The following USP49 variants were observed in gnomAD, a reference collection of about 807,000 sequenced individuals.
The protein encoded by USP49 is ubiquitin carboxyl-terminal hydrolase 49.
In USP49, 24 loss-of-function variants were observed where a neutral mutation model predicts 58.6. The ratio of observed to expected loss-of-function variants is 0.41; its 90% CI spans 0.30 to 0.58. USP49 has a LOEUF of 0.58. Ranked by LOEUF, USP49 falls within the 20% of genes least tolerant of loss-of-function variation. The pLI, the probability that USP49 is intolerant of heterozygous loss-of-function variation, is 0.30. For synonymous variants in USP49, 408 were observed against 365.1 expected, an observed-to-expected ratio of 1.12 and a Z score of -1.34; for missense variants, 703 against 866.1, an observed-to-expected ratio of 0.81 and a Z score of 2.36.
chr6:41,835,952 C>T (rs1773718975), intron 3 of USP49, among the ~76,000 whole-genome samples: 1 of 151,952 alleles, frequency 6.6e-6, no homozygotes, highest in Non-Finnish European at 1.5e-5. Context: ...GTAATGTGTG[C>T]CTGTAGTCCT....
chr6:41,823,568 A>G (rs1365782100), intron 3 of USP49, among the ~76,000 whole-genome samples: 1 of 152,172 alleles, frequency 6.6e-6, no homozygotes, highest in Non-Finnish European at 1.5e-5. Flanking sequence ...GCAGAGTGGC[A>G]ATACAGCAGA....
intron 3 of USP49, among the ~76,000 whole-genome samples, chr6:41,870,878 C>T (rs920650571): frequency 6.6e-6 from 1 of 151,734 alleles, no homozygotes; most frequent in African/African-American, 2.4e-5. Context: ...ATAATGAAAC[C>T]CCGTTTCTAC....
chr6:41,805,716 C>T lies in USP49; in HGVS notation c.1268G>A (p.Arg423Gln). ...CCTCTGGGAGAAGGGGATGAGGATCCGGCGTGTGGTGCCCTCAGACTCGAG... is the reference window on the plus strand; with the variant it reads ...CCTCTGGGAGAAGGGGATGAGGATCTGGCGTGTGGTGCCCTCAGACTCGAG... ...QELESEGTTRRILIPFSQRKL... is the reference protein window; with the variant it reads ...QELESEGTTRQILIPFSQRKL... Residue 423 changes from arginine (R) to glutamine (Q), a missense_variant, in exon 4 of 8, where the codon CGG (arginine) becomes CAG (glutamine). Transcript: ENST00000682992. The T allele has an allele frequency of 1.2e-6, 2 of 1,614,108 alleles. No individual in the cohort carries two copies. The highest frequency in any genetic ancestry group is 2.2e-5 in the East Asian group (1 of 44,862).
At chr6:41,825,373 G>C (rs1773519598) in intron 3 of USP49, among the ~76,000 whole-genome samples, 1 of 151,524 alleles carries the variant, frequency 6.6e-6, no homozygotes, top group African/African-American at 2.4e-5. Flanking sequence ...CATTGCCTGA[G>C]ATCCCACAGA....
In USP49 at chr6:41,807,031, A is replaced by AAAAAAG. The variant is rs542472972; in HGVS notation, c.-28-26_-28-21dup. 1.7e-4 allele frequency: 231 copies of AAAAAAG among 1,345,266 alleles called. 1 individual carries two copies. The South Asian group carries it at 5.1e-3, about 30-fold the overall frequency. 83.3% of individuals were successfully genotyped at this position (1,345,266 alleles called of 1,614,324 possible). A position where few individuals can be genotyped will look rare whatever the true frequency, so the allele number is the denominator to read the frequency against. ...CTCAACCTGGCACGACAGAGTCCCC[A>AAAAAAG]AAAAAGAAAAAGAAAAAGAAAACAC... On this transcript the variant is annotated intron_variant, in intron 3 of 7. Coordinates refer to ENST00000682992, the MANE Select transcript of USP49 (RefSeq NM_001286554.2).
rs1231275241 is a variant in USP49, at chr6:41,803,162, C to T, written c.1561+644G>A. On this transcript the variant is annotated intron_variant, in intron 5 of 7. Transcript: ENST00000682992. This position sits in a 1 kb window ranked among gnomAD's most constrained non-coding sequence, Gnocchi z 4.1. ...ACTCTACATTCATGAATTTAAGCAG[C>T]AGCCCCACAGCACTAAGAAGCTAAG... Among the ~76,000 whole-genome samples the T allele has an allele frequency of 6.6e-6, 1 of 152,218 alleles. No individual in the cohort carries two copies. Among genetic ancestry groups the T allele is most frequent in the Admixed American group, 6.5e-5 (1 of 15,284 alleles).
At chr6:41,824,427 A>G (rs537489699) in intron 3 of USP49, among the ~76,000 whole-genome samples, 2 of 152,118 alleles carry the variant, frequency 1.3e-5, no homozygotes, top group South Asian at 4.1e-4. Flanking sequence ...AAAACATAGC[A>G]TCGCCGGGCA....
At chr6:41,814,411 A>G (rs1055125210) in intron 3 of USP49, among the ~76,000 whole-genome samples, 4 of 152,124 alleles carry the variant, frequency 2.6e-5, no homozygotes, top group African/African-American at 9.7e-5. Flanking sequence ...CTGATGAAAA[A>G]CTTCTAGATT....
chr6:41,801,914 T>C (rs1773003493), intron 5 of USP49, among the ~76,000 whole-genome samples: 1 of 152,224 alleles, frequency 6.6e-6, no homozygotes, highest in African/African-American at 2.4e-5. Context: ...TCCTTTCTTG[T>C]AAAGATAAAC....
In USP49 at chr6:41,806,479, G is replaced by A; in HGVS notation, c.505C>T (p.Leu169=). 1 of 1,597,406 alleles carries A rather than the reference G, an allele frequency of 6.3e-7. No individual in the cohort carries two copies. The change falls in exon 4 of 8, where the codon CTG becomes TTG. Residue 169 remains leucine (L), a synonymous_variant. Coordinates refer to ENST00000682992, the MANE Select transcript of USP49 (RefSeq NM_001286554.2). This position sits in a 1 kb window ranked among gnomAD's most constrained non-coding sequence, Gnocchi z 5.9. The part of the protein sequence containing the change: ...FEKSSRGQAK[L]EQRRQEEALE... ...GCCTCCTCCTGCCGCCGCTGCTCCA[G>A]CTTCGCCTGGCCCCGGGAGCTCTTC...
chr6:41,808,316 G>GC (rs890821031), intron 3 of USP49, among the ~76,000 whole-genome samples: 1 of 149,278 alleles, frequency 6.7e-6, no homozygotes, highest in Non-Finnish European at 1.5e-5. Context: ...TCCTAAGCAT[G>GC]TTTTTTTTTC....
chr6:41,881,961 CAATCTT>C (rs1383260189), intron 2 of USP49, among the ~76,000 whole-genome samples: 1 of 151,474 alleles, frequency 6.6e-6, no homozygotes, highest in Non-Finnish European at 1.5e-5. Flanking sequence ...ATTATAATCT[CAATCTT>C]AATCAAAATT....
chr6:41,832,643 G>A (rs140506473), intron 3 of USP49, among the ~76,000 whole-genome samples: 80 of 152,152 alleles, frequency 5.3e-4, no homozygotes, highest in Middle Eastern at 6.8e-3. Context: ...GGATACCAGC[G>A]TCCATGAAAG....
In USP49 at chr6:41,814,311, A is replaced by G. The variant is rs573781821; in HGVS notation, c.-28-7300T>C. 8.5e-5 allele frequency among the ~76,000 whole-genome samples: 13 copies of G among 152,352 alleles called. No individual in the cohort carries two copies. The East Asian group carries it at 1.7e-3, about 20-fold the overall frequency. Reference sequence around the variant, plus strand: ...AAAATCTGAATCAACTGGAGCTAAGAACCATAATCAATATTTAAAAGCATT... The same window carrying G: ...AAAATCTGAATCAACTGGAGCTAAGGACCATAATCAATATTTAAAAGCATT... On this transcript the variant is annotated intron_variant, in intron 3 of 7. Coordinates refer to ENST00000682992, the MANE Select transcript of USP49 (RefSeq NM_001286554.2).
At chr6:41,807,423 G>C (rs975221956) in intron 3 of USP49, among the ~76,000 whole-genome samples, 5 of 152,140 alleles carry the variant, frequency 3.3e-5, no homozygotes, top group African/African-American at 1.2e-4. Context: ...ATTTTTATGA[G>C]ACGTGACTAA....
At chr6:41,873,408 A>G (rs1774449913) in intron 2 of USP49, among the ~76,000 whole-genome samples, 1 of 152,212 alleles carries the variant, frequency 6.6e-6, no homozygotes, top group Non-Finnish European at 1.5e-5. Context: ...GCCAGAAAGT[A>G]GGTCCCAGGA....
intron 3 of USP49, among the ~76,000 whole-genome samples, chr6:41,840,065 T>C (rs372770121): frequency 1.3e-4 from 19 of 151,942 alleles, no homozygotes; most frequent in African/African-American, 4.1e-4. Flanking sequence ...GTATAATGAA[T>C]TGATTATTAA....
chr6:41,879,076 A>C (rs189739442), intron 2 of USP49, among the ~76,000 whole-genome samples: 10 of 152,370 alleles, frequency 6.6e-5, no homozygotes, highest in Non-Finnish European at 1.3e-4. Flanking sequence ...ATCTGCACTC[A>C]TTCTACAAAA....
chr6:41,881,692 AAAG>A (rs1275339799), intron 2 of USP49, among the ~76,000 whole-genome samples: 2 of 152,122 alleles, frequency 1.3e-5, no homozygotes, highest in African/African-American at 4.8e-5. Context: ...GCAAAGAGAA[AAAG>A]AAGAATGTTT....
Sources: allele counts gnomAD v4.1 joint callset (sites outside exome capture counted in the v4.1 genomes callset), GRCh38; gene constraint gnomAD v4.1.1; non-coding constraint Gnocchi (gnomAD v3.1); transcripts MANE v1.5; gene names NCBI Gene and HGNC (gene_info 2026-07-23, HGNC 2026-07-21).